TPCN2: variants seen among roughly 807,000 people sequenced by gnomAD.
TPCN2 encodes two pore segment channel 2.
Under a neutral mutation model 111.4 loss-of-function variants are expected in TPCN2, and 92 were observed. The ratio of observed to expected loss-of-function variants is 0.83; its 90% CI spans 0.70 to 0.98. The LOEUF is 0.98. Among genes scored for constraint, TPCN2 ranks in the 50% least tolerant of loss-of-function variants. The pLI, the probability that TPCN2 is intolerant of heterozygous loss-of-function variation, is 0.00. For synonymous variants in TPCN2, 405 were observed against 414.5 expected, an observed-to-expected ratio of 0.98 and a Z score of 0.28; for missense variants, 995 against 980.1, an observed-to-expected ratio of 1.02 and a Z score of -0.20.
At chr11:69,072,569 A>G (rs947040874) in intron 11 of TPCN2, 58 bp from the exon 12 acceptor site, 3 of 1,577,672 alleles carry the variant, frequency 1.9e-6, no homozygotes, top group African/African-American at 2.7e-5. Flanking sequence ...GACCCAGGCC[A>G]GGGTTCCAAG....
chr11:69,064,282 TC>T (rs1161347803), intron 7 of TPCN2, among the ~76,000 whole-genome samples: 2 of 61,026 alleles, frequency 3.3e-5, no homozygotes, highest in Admixed American at 1.5e-4. Flanking sequence ...CCCACTTCCC[TC>T]CCCCCTCCCT....
intron 16 of TPCN2, chr11:69,079,244 G>C (rs1855908879): frequency 1.7e-6 from 1 of 584,880 alleles, no homozygotes; most frequent in Non-Finnish European, 2.9e-6. Flanking sequence ...GAGTGTCATG[G>C]GGGGCAGGCT....
chr11:69,078,374 TG>T, intron 13 of TPCN2, 107 bp from the exon 14 acceptor site: 1 of 1,396,426 alleles, frequency 7.2e-7, no homozygotes, highest in South Asian at 1.3e-5. Flanking sequence ...GGACGGGAGA[TG>T]GGGTAGGAAA....
At position 69,054,745 on chromosome 11, in the gene TPCN2, G is replaced by T. The variant is rs780628116; in HGVS notation, c.199G>T (p.Asp67Tyr). The T allele has an allele frequency of 6.2e-7, 1 of 1,614,074 alleles. No individual in the cohort carries two copies. Among genetic ancestry groups the T allele is most frequent in the Non-Finnish European group, 8.5e-7 (1 of 1,180,024 alleles). ...GTACCGCTCCATCAACCACCGGGTGGATGCCAGCTCGATGTGGCTTTACCG... is the reference window on the plus strand; with the variant it reads ...GTACCGCTCCATCAACCACCGGGTGTATGCCAGCTCGATGTGGCTTTACCG... ...IQYRSINHRV[D>Y]ASSMWLYRRY... Residue 67 changes from aspartate to tyrosine, a missense_variant, in exon 3 of 25, where the codon GAT becomes TAT. Physicochemically the swap from Asp to Tyr is radical, Grantham distance 160. Transcript: ENST00000294309.
intron 11 of TPCN2, among the ~76,000 whole-genome samples, 185 bp from the exon 12 acceptor site, chr11:69,072,442 G>C (rs3750960): frequency 0.017 from 2,654 of 152,184 alleles, 111 homozygotes; most frequent in East Asian, 0.12. Flanking sequence ...GGTGAAGTCA[G>C]TTTGCGCCTT....
At chr11:69,084,590 C>T (rs1407828050) in intron 19 of TPCN2, 6 of 985,270 alleles carry the variant, frequency 6.1e-6, no homozygotes, top group Middle Eastern at 5.2e-4. Flanking sequence ...CCCAGATCCG[C>T]GCCGTGCAGA....
intron 16 of TPCN2, chr11:69,079,472 T>C: frequency 3.4e-6 from 1 of 290,488 alleles, no homozygotes; most frequent in East Asian, 7.2e-5. Context: ...CCACACTTGG[T>C]GTGTGTGTCA....
chr11:69,075,328 TAA>T (rs2134601515), intron 13 of TPCN2, among the ~76,000 whole-genome samples: 1 of 152,354 alleles, frequency 6.6e-6, no homozygotes, highest in African/African-American at 2.4e-5. Flanking sequence ...CATGGATGTT[TAA>T]GTCTCTTAAG....
intron 5 of TPCN2, among the ~76,000 whole-genome samples, chr11:69,061,719 A>C (rs1311494708): frequency 6.6e-6 from 1 of 151,926 alleles, no homozygotes; most frequent in Non-Finnish European, 1.5e-5. Flanking sequence ...GGATAGGAGC[A>C]GGGGAGTGAA....
At chr11:69,077,250 CA>C (rs1855825537) in intron 13 of TPCN2, among the ~76,000 whole-genome samples, 1 of 98,460 alleles carries the variant, frequency 1.0e-5, no homozygotes, top group Non-Finnish European at 2.3e-5. Context: ...GCCCTCCTGC[CA>C]CGTCCCTCCA....
chr11:69,076,900 C>T (rs1294319820), intron 13 of TPCN2, among the ~76,000 whole-genome samples: 2 of 118,078 alleles, frequency 1.7e-5, no homozygotes, highest in Admixed American at 9.2e-5. Context: ...TGCCCTCCTG[C>T]CATGTCCCTC....
Position 69,072,600 on chromosome 11 carries a change from C to T in TPCN2, c.1062-27C>T, listed in dbSNP as rs188878984. 9.9e-4 allele frequency: 1,595 copies of T among 1,612,582 alleles called. 17 individuals carry two copies. The African/African-American group carries it at 0.018, about 18-fold the overall frequency. ...CCAAGGGAGCCGAGCTGGCTGTGCT[C>T]ACCGGGCTGTGGGTTTTTCCCTGCA... On this transcript the variant is annotated intron_variant, in intron 11 of 24. Coordinates refer to ENST00000294309, the MANE Select transcript of TPCN2 (RefSeq NM_139075.4).
At chr11:69,052,004 A>G (rs1861246941) in intron 1 of TPCN2, among the ~76,000 whole-genome samples, 1 of 152,108 alleles carries the variant, frequency 6.6e-6, no homozygotes. Context: ...TTGGAACGAG[A>G]TCCTTGGGCT....
intron 23 of TPCN2, among the ~76,000 whole-genome samples, chr11:69,086,832 G>GC (rs1256749649): frequency 6.7e-6 from 1 of 148,994 alleles, no homozygotes. Context: ...CTGGGGCCTT[G>GC]GGGGGTGCTC....
In TPCN2 at chr11:69,054,604, C is replaced by T. The variant is rs1052342067; in HGVS notation, c.175-117C>T. 3.9e-5 allele frequency: 37 copies of T among 951,006 alleles called. No individual in the cohort carries two copies. The Admixed American group carries it at 4.7e-4, about 12-fold the overall frequency. The allele number at this position is 951,006 out of a possible 1,614,324, so 58.9% of individuals were successfully genotyped here. A position where few individuals can be genotyped will look rare whatever the true frequency, so the allele number is the denominator to read the frequency against. On this transcript the variant is annotated intron_variant, in intron 2 of 24. Coordinates refer to ENST00000294309, the MANE Select transcript of TPCN2 (RefSeq NM_139075.4). The stretch of plus-strand genomic sequence containing the variant: ...GGCTGGCCATGTCCACACGCTGAAG[C>T]GTCCCCTGTGATCCACAGCCTGAGA...
chr11:69,055,033 A>C (rs1489752559), intron 3 of TPCN2, 142 bp from the exon 4 acceptor site: 1 of 967,244 alleles, frequency 1.0e-6, no homozygotes, highest in Non-Finnish European at 1.6e-6. Context: ...AGCTTTGAGC[A>C]GATTCGTGAT....
chr11:69,064,361 C>T (rs986012359), intron 7 of TPCN2, among the ~76,000 whole-genome samples: 1 of 148,596 alleles, frequency 6.7e-6, no homozygotes, highest in Admixed American at 6.7e-5. Flanking sequence ...GGTTTCTCCT[C>T]CAGCCCTGTT....
chr11:69,056,746 T>A (rs188912349), intron 4 of TPCN2, among the ~76,000 whole-genome samples: 1 of 152,134 alleles, frequency 6.6e-6, no homozygotes, highest in Non-Finnish European at 1.5e-5. Context: ...TTAGCCAGTA[T>A]GGTCTCGATC....
intron 5 of TPCN2, among the ~76,000 whole-genome samples, chr11:69,059,347 C>T (rs779796629): frequency 1.6e-4 from 25 of 152,170 alleles, no homozygotes; most frequent in Non-Finnish European, 2.6e-4. Flanking sequence ...GCGTGTGTCC[C>T]GGTGGAAGCA....
Sources: gnomAD v4.1 joint callset for allele counts (sites outside exome capture counted in the v4.1 genomes callset) on GRCh38, gnomAD v4.1.1 for gene constraint, MANE v1.5 for transcripts, NCBI Gene and HGNC (gene_info 2026-07-23, HGNC 2026-07-21) for gene names.